The following NPHP4 variants were observed in gnomAD, a reference collection of about 807,000 sequenced individuals.
NPHP4 encodes nephrocystin-4.
A neutral mutation model predicts 155.8 loss-of-function variants in NPHP4; 151 were observed. The ratio of observed to expected loss-of-function variants is 0.97; its 90% CI spans 0.85 to 1.11. The LOEUF is 1.11. NPHP4 is among the 50% of genes least tolerant of loss of function. The pLI is 0.00. For missense variants in NPHP4, 1,956 were observed against 1,925.7 expected, an observed-to-expected ratio of 1.02 and a Z score of -0.29; for synonymous variants, 845 against 816.8, an observed-to-expected ratio of 1.03 and a Z score of -0.59.
At position 5,878,174 on chromosome 1, in the gene NPHP4, G is replaced by A. The variant is rs577532908; in HGVS notation, c.2612-876C>T. Among the ~76,000 whole-genome samples the A allele has an allele frequency of 6.6e-5, 10 of 152,272 alleles. No homozygotes were observed. The East Asian group carries it at 9.7e-4, about 15-fold the overall frequency. ...TCCCACAGGAAACCAATGCCAGCCC[G>A]AGCTCTCCCAGCCTGGTTCCACTTG... On this transcript the variant is annotated intron_variant, in intron 19 of 29. Coordinates refer to ENST00000378156, the MANE Select transcript of NPHP4 (RefSeq NM_015102.5).
chr1:5,973,631 A>T (rs138556187), intron 3 of NPHP4, among the ~76,000 whole-genome samples: 29 of 152,360 alleles, frequency 1.9e-4, no homozygotes, highest in African/African-American at 6.7e-4. Flanking sequence ...AACACACAAC[A>T]ACAAAATTGA....
intron 3 of NPHP4, among the ~76,000 whole-genome samples, chr1:5,972,974 C>T (rs557165833): frequency 7.9e-5 from 12 of 152,190 alleles, no homozygotes; most frequent in African/African-American, 2.6e-4. Flanking sequence ...AACCTCCACC[C>T]GCCGAGCTCA....
intron 9 of NPHP4, among the ~76,000 whole-genome samples, chr1:5,946,582 C>T (rs1283880453): frequency 6.6e-6 from 1 of 152,198 alleles, no homozygotes; most frequent in Non-Finnish European, 1.5e-5. Flanking sequence ...GATCTTCGTC[C>T]AGTTTCCTGG....
chr1:5,883,377 G>A (rs1012886837), intron 18 of NPHP4, among the ~76,000 whole-genome samples: 16 of 151,984 alleles, frequency 1.1e-4, no homozygotes, highest in African/African-American at 3.9e-4. Context: ...TTCACGCTCC[G>A]GGCCACGCTG....
intron 11 of NPHP4, among the ~76,000 whole-genome samples, chr1:5,918,516 A>T (rs1361645579): frequency 6.6e-6 from 1 of 152,172 alleles, no homozygotes; most frequent in African/African-American, 2.4e-5. Context: ...ATAGAATTAA[A>T]TTAAGATTAA....
At chr1:5,896,640 T>C (rs1049600207) in intron 16 of NPHP4, among the ~76,000 whole-genome samples, 5 of 152,198 alleles carry the variant, frequency 3.3e-5, no homozygotes, top group Non-Finnish European at 7.3e-5. Context: ...CTTAGGAAGA[T>C]CAACATGAAC....
rs543285109 is a variant in NPHP4, at chr1:5,959,271, G to A, written c.673+2523C>T. Among the ~76,000 whole-genome samples, 21 of 152,332 alleles carry A rather than the reference G, an allele frequency of 1.4e-4. No individual in the cohort carries two copies. In the South Asian group the frequency reaches 3.9e-3, roughly 29 times the overall value. The stretch of plus-strand genomic sequence containing the variant: ...ACTGCCAGCATTCGTTTGGCACCTT[G>A]GTGACGGGCCGGCTGCTCCACACCT... On this transcript the variant is annotated intron_variant, in intron 6 of 29. Transcript: ENST00000378156.
At chr1:5,903,619 A>T (rs2101104026) in intron 16 of NPHP4, among the ~76,000 whole-genome samples, 1 of 152,366 alleles carries the variant, frequency 6.6e-6, no homozygotes, top group Middle Eastern at 3.4e-3. Flanking sequence ...AAAAAAAGTC[A>T]TTAGTCCCCA....
At chr1:5,929,438 T>C (rs1646169432) in intron 10 of NPHP4, among the ~76,000 whole-genome samples, 1 of 152,198 alleles carries the variant, frequency 6.6e-6, no homozygotes, top group African/African-American at 2.4e-5. Context: ...TAAAGAGTTT[T>C]TGTAAACATC....
chr1:5,874,689 G>A, intron 21 of NPHP4, 32 bp from the exon 22 acceptor site: 1 of 1,604,202 alleles, frequency 6.2e-7, no homozygotes, highest in Non-Finnish European at 8.5e-7. Context: ...CGTCAGGGCA[G>A]TTCTTCCCAG....
At chr1:5,931,633 C>T (rs1285525850) in intron 10 of NPHP4, among the ~76,000 whole-genome samples, 1 of 149,696 alleles carries the variant, frequency 6.7e-6, no homozygotes, top group Non-Finnish European at 1.5e-5. Context: ...ACTTGGGAGG[C>T]TGAGCCAGAA....
intron 19 of NPHP4, chr1:5,877,595 G>A (rs1320128231): frequency 3.1e-5 from 9 of 286,696 alleles, no homozygotes; most frequent in African/African-American, 1.7e-4. Context: ...AGGGAAGAAG[G>A]CCACGTTCTA....
chr1:5,938,249 G>A (rs937049289), intron 9 of NPHP4, among the ~76,000 whole-genome samples: 4 of 152,338 alleles, frequency 2.6e-5, no homozygotes, highest in Admixed American at 6.5e-5. Context: ...TGAAGGACAC[G>A]GAGCTCTTGG....
chr1:5,932,380 A>C (rs1198051970), intron 10 of NPHP4, among the ~76,000 whole-genome samples: 1 of 152,222 alleles, frequency 6.6e-6, no homozygotes, highest in African/African-American at 2.4e-5. Context: ...AGTTTAGGTA[A>C]TATTCTAAAT....
intron 6 of NPHP4, among the ~76,000 whole-genome samples, chr1:5,955,265 A>C (rs1409662987): frequency 6.6e-6 from 1 of 152,216 alleles, no homozygotes; most frequent in Non-Finnish European, 1.5e-5. Flanking sequence ...AAAAGGGAAC[A>C]CCTATACAAT....
chr1:5,891,941 G>C (rs917736205), intron 16 of NPHP4, among the ~76,000 whole-genome samples: 1 of 152,232 alleles, frequency 6.6e-6, no homozygotes, highest in African/African-American at 2.4e-5. Context: ...GGGGACCTAG[G>C]GGGAGCGAAG....
intron 9 of NPHP4, among the ~76,000 whole-genome samples, chr1:5,943,447 G>A (rs977964359): frequency 3.3e-5 from 5 of 152,138 alleles, no homozygotes; most frequent in African/African-American, 1.2e-4. Context: ...CTTCCACAAA[G>A]GGCCCCTAGA....
intron 8 of NPHP4, among the ~76,000 whole-genome samples, chr1:5,947,613 T>C (rs989067051): frequency 6.6e-6 from 1 of 152,212 alleles, no homozygotes; most frequent in Admixed American, 6.5e-5. Context: ...AAGGCTGGCC[T>C]ACGGCAGAGG....
intron 10 of NPHP4, among the ~76,000 whole-genome samples, 181 bp from the exon 11 acceptor site, chr1:5,927,968 C>T (rs1055879135): frequency 8.5e-5 from 13 of 152,166 alleles, no homozygotes; most frequent in African/African-American, 2.9e-4. Flanking sequence ...ATTGGTGTGG[C>T]ATTAAAAGCC....
Sources: allele counts gnomAD v4.1 joint callset (sites outside exome capture counted in the v4.1 genomes callset), GRCh38; gene constraint gnomAD v4.1.1; transcripts MANE v1.5; gene names NCBI Gene and HGNC (gene_info 2026-07-23, HGNC 2026-07-21).